The following KIRREL1 variants were observed in gnomAD, a reference collection of about 807,000 sequenced individuals.
The protein encoded by KIRREL1 is kirre like nephrin family adhesion molecule 1.
KIRREL1 carries 25 observed loss-of-function variants against 83.3 expected under a neutral mutation model. The ratio of observed to expected loss-of-function variants is 0.30; its 90% CI spans 0.22 to 0.42. The LOEUF is 0.42. KIRREL1 is among the 10% of genes least tolerant of loss of function. The pLI, the probability that KIRREL1 is intolerant of heterozygous loss-of-function variation, is 1.00. For missense variants in KIRREL1, 812 were observed against 1,032.3 expected (o/e 0.79, Z 2.92); for synonymous variants, 388 against 410.4 (o/e 0.95, Z 0.66).
chr1:158,086,110 A>C (rs72711964), intron 4 of KIRREL1, among the ~76,000 whole-genome samples: 8 of 152,316 alleles, frequency 5.3e-5, no homozygotes, highest in Non-Finnish European at 8.8e-5. Flanking sequence ...GTTTCGGTCC[A>C]TCAGTTGTAA....
rs1004097970 is a variant in KIRREL1, at chr1:158,098,089, C to G, written c.*2969C>G. ...GGGGGTTCTCTCCTGTTCAAAGAAG[C>G]TTTCACCATGGGCTTCATTATCTTG... On this transcript the variant is annotated 3_prime_UTR_variant, in exon 15 of 15. Coordinates refer to ENST00000359209, the MANE Select transcript of KIRREL1 (RefSeq NM_018240.7). 1 of 152,216 alleles carries G rather than the reference C, an allele frequency of 6.6e-6. No homozygotes were observed. Among genetic ancestry groups the G allele is most frequent in the Non-Finnish European group, 1.5e-5 (1 of 68,084 alleles). The allele number at this position is 152,216 out of a possible 1,614,324, so 9.4% of individuals were successfully genotyped here.
intron 1 of KIRREL1, among the ~76,000 whole-genome samples, chr1:158,001,536 T>G (rs537047408): frequency 6.6e-6 from 1 of 152,098 alleles, no homozygotes; most frequent in Non-Finnish European, 1.5e-5. Context: ...ATTGGTGCCG[T>G]GATAGCAGTG....
intron 1 of KIRREL1, among the ~76,000 whole-genome samples, chr1:158,010,362 C>CACACACACA (rs1553236082): frequency 2.7e-4 from 36 of 130,912 alleles, no homozygotes; most frequent in African/African-American, 1.1e-3. Flanking sequence ...CACACACACA[C>CACACACACA]CCCACACAGT....
At chr1:158,039,819 G>A (rs1660576929) in intron 1 of KIRREL1, among the ~76,000 whole-genome samples, 1 of 152,238 alleles carries the variant, frequency 6.6e-6, no homozygotes, top group Non-Finnish European at 1.5e-5. Flanking sequence ...GTTGGTCTCA[G>A]AGGGAGGTCC....
chr1:158,069,303 TGTGTGTG>T (rs1661442874), intron 1 of KIRREL1, among the ~76,000 whole-genome samples: 1 of 1,294 alleles, frequency 7.7e-4, no homozygotes, highest in South Asian at 0.033. Context: ...ATGACGTACT[TGTGTGTG>T]TGTGTGTGTG....
chr1:158,004,321 G>T (rs536989002), intron 1 of KIRREL1, among the ~76,000 whole-genome samples: 1 of 152,292 alleles, frequency 6.6e-6, no homozygotes, highest in South Asian at 2.1e-4. Context: ...ACAGACAATA[G>T]AAATGAGAGA....
intron 1 of KIRREL1, among the ~76,000 whole-genome samples, chr1:158,033,766 A>G (rs1253269194): frequency 2.0e-5 from 3 of 150,948 alleles, no homozygotes; most frequent in African/African-American, 7.3e-5. Flanking sequence ...GGATCACCTG[A>G]GATCAGGAGT....
Position 158,095,347 on chromosome 1 carries a change from T to C in KIRREL1, c.*227T>C, listed in dbSNP as rs1662329368. The C allele has an allele frequency of 3.8e-6, 2 of 523,710 alleles. No homozygotes were observed. Among genetic ancestry groups the C allele is most frequent in the African/African-American group, 1.9e-5 (1 of 52,334 alleles). 32.4% of individuals were successfully genotyped at this position (523,710 alleles called of 1,614,324 possible). On this transcript the variant is annotated 3_prime_UTR_variant, in exon 15 of 15. Coordinates refer to ENST00000359209, the MANE Select transcript of KIRREL1 (RefSeq NM_018240.7). Reference sequence around the variant, plus strand: ...CCCTTCCCTCTTCTTCGGGAGGATGTGTCTCTTCTGACCTGCACTCTTGCC... The same window carrying C: ...CCCTTCCCTCTTCTTCGGGAGGATGCGTCTCTTCTGACCTGCACTCTTGCC...
chr1:158,088,412 TC>T lies in KIRREL1; in HGVS notation c.1009del (p.Leu337SerfsTer14), dbSNP rs754171400. 4 of 1,593,698 alleles carry T rather than the reference TC, an allele frequency of 2.5e-6. No individual in the cohort carries two copies. Among genetic ancestry groups the T allele is most frequent in the Admixed American group, 1.7e-5 (1 of 58,602 alleles). On this transcript the variant is annotated frameshift_variant, in exon 8 of 15. Transcript: ENST00000359209. LOFTEE classifies it high-confidence loss of function. ...VTLTCVWVGNPPLTLTWTKKD... is the reference protein window; with the variant it reads ...VTLTCVWVGNXPLTLTWTKKD... The stretch of plus-strand genomic sequence containing the variant: ...CCCTTACCTGTGTCTGGGTTGGGAA[TC>T]CCCCCCTCACTCTCACCTGGACCAA...
At chr1:158,064,548 A>G (rs1661310052) in intron 1 of KIRREL1, among the ~76,000 whole-genome samples, 1 of 152,240 alleles carries the variant, frequency 6.6e-6, no homozygotes, top group Non-Finnish European at 1.5e-5. Context: ...CCTCCGGAGC[A>G]TTGCTGCCAG....
intron 1 of KIRREL1, among the ~76,000 whole-genome samples, chr1:158,022,050 T>C (rs1660015633): frequency 6.6e-6 from 1 of 151,388 alleles, no homozygotes; most frequent in Non-Finnish European, 1.5e-5. Context: ...GCGGTTGGGG[T>C]GGGGCTCGGT....
At chr1:158,089,945 G>A in intron 10 of KIRREL1, 127 bp downstream of exon 10, 1 of 767,174 alleles carries the variant, frequency 1.3e-6, no homozygotes, top group Non-Finnish European at 2.2e-6. Flanking sequence ...CGAATCTTCT[G>A]CTTTCTGTCC....
chr1:158,082,128 G>A (rs1231558487), intron 3 of KIRREL1, among the ~76,000 whole-genome samples: 1 of 152,180 alleles, frequency 6.6e-6, no homozygotes, highest in Non-Finnish European at 1.5e-5. Flanking sequence ...CACAGAACAA[G>A]GAGGAAGAGC....
At chr1:158,032,015 T>C (rs895896136) in intron 1 of KIRREL1, among the ~76,000 whole-genome samples, 21 of 151,812 alleles carry the variant, frequency 1.4e-4, no homozygotes, top group Non-Finnish European at 2.5e-4. Context: ...CCTAGGTGGC[T>C]GAGCCTGCGG....
At chr1:158,006,847 G>T (rs1362396596) in intron 1 of KIRREL1, among the ~76,000 whole-genome samples, 3 of 152,232 alleles carry the variant, frequency 2.0e-5, no homozygotes, top group Non-Finnish European at 4.4e-5. Flanking sequence ...GCATGGGGGT[G>T]ATGGCAGAGG....
At chr1:158,017,672 A>G (rs989210344) in intron 1 of KIRREL1, among the ~76,000 whole-genome samples, 2 of 152,096 alleles carry the variant, frequency 1.3e-5, no homozygotes. Context: ...AGACTGGGTG[A>G]CAGAGTGAGA....
At chr1:158,054,807 T>A (rs1396266470) in intron 1 of KIRREL1, among the ~76,000 whole-genome samples, 1 of 152,166 alleles carries the variant, frequency 6.6e-6, no homozygotes, top group African/African-American at 2.4e-5. Flanking sequence ...CAACAAATAT[T>A]TATTTTATCA....
At chr1:158,086,818 A>C in intron 5 of KIRREL1, 72 bp downstream of exon 5, 1 of 1,392,410 alleles carries the variant, frequency 7.2e-7, no homozygotes, top group Non-Finnish European at 9.9e-7. Context: ...GCACACTCTT[A>C]GTTTGAGAAA....
chr1:158,089,985 C>T (rs1035222838), intron 10 of KIRREL1, among the ~76,000 whole-genome samples, 167 bp downstream of exon 10: 3 of 152,092 alleles, frequency 2.0e-5, no homozygotes, highest in Non-Finnish European at 4.4e-5. Context: ...CAAATCCCAC[C>T]TCCTCCCTTA....
Sources: allele counts gnomAD v4.1 joint callset (sites outside exome capture counted in the v4.1 genomes callset), GRCh38; gene constraint gnomAD v4.1.1; transcripts MANE v1.5; gene names NCBI Gene and HGNC (gene_info 2026-07-23, HGNC 2026-07-21).